Variants in BUB1 observed in about 807,000 individuals in gnomAD.
BUB1 encodes BUB1 mitotic checkpoint serine/threonine kinase.
Under a neutral mutation model 135.2 loss-of-function variants are expected in BUB1, and 84 were observed. The observed-to-expected ratio is 0.62, with a 90% confidence interval of 0.52 to 0.74. The LOEUF is 0.74. BUB1 is among the 30% of genes least tolerant of loss of function. The pLI, the probability that BUB1 is intolerant of heterozygous loss-of-function variation, is 0.00. For missense variants in BUB1, 1,162 were observed against 1,288.3 expected, an observed-to-expected ratio of 0.90 and a Z score of 1.50; for synonymous variants, 403 against 434.4, an observed-to-expected ratio of 0.93 and a Z score of 0.90.
chr2:110,670,624 G>A (rs1690396504), intron 4 of BUB1, 56 bp from the exon 5 acceptor site: 3 of 1,557,412 alleles, frequency 1.9e-6, no homozygotes. Flanking sequence ...GTACATAGCT[G>A]TTAGAGTGAA....
rs539411915 is a variant in BUB1 at position 110,672,909 on chromosome 2, T to C, written c.226-52A>G. 9.9e-5 allele frequency: 147 copies of C among 1,489,242 alleles called. 2 individuals are homozygous for C. The South Asian group carries it at 1.8e-3, about 18-fold the overall frequency. The allele number at this position is 1,489,242 out of a possible 1,614,324, so 92.3% of individuals were successfully genotyped here. On this transcript the variant is annotated intron_variant, in intron 3 of 24. Coordinates refer to ENST00000302759, the MANE Select transcript of BUB1 (RefSeq NM_004336.5). ...TAAGAATAATGGAACTGCTAGTCTATGTCTGGTGAGGAGTTAGCCAGCTAA... is the reference window on the plus strand; with the variant it reads ...TAAGAATAATGGAACTGCTAGTCTACGTCTGGTGAGGAGTTAGCCAGCTAA...
intron 23 of BUB1, 195 bp from the exon 24 acceptor site, chr2:110,640,043 C>G: frequency 1.5e-6 from 1 of 661,240 alleles, no homozygotes; most frequent in African/African-American, 1.8e-5. Flanking sequence ...CTTCCAGTCT[C>G]TTGAAAAGCT....
chr2:110,661,518 C>G lies in BUB1; in HGVS notation c.1217+64G>C, dbSNP rs912518221. On this transcript the variant is annotated intron_variant, in intron 10 of 24. Transcript: ENST00000302759. ...ACATACTGTTCCTGATAATGCAGGT[C>G]ATGTAAAGAAGGTGACAGGTGCCAC... The G allele has an allele frequency of 4.5e-6, 7 of 1,542,592 alleles. No individual in the cohort carries two copies. In the African/African-American group the frequency reaches 8.2e-5, roughly 18 times the overall value.
chr2:110,637,969 T>A lies in BUB1; in HGVS notation c.3253A>T (p.Lys1085Ter), dbSNP rs769743072. The A allele has an allele frequency of 1.3e-6, 2 of 1,484,270 alleles. No homozygotes were observed. Among genetic ancestry groups the A allele is most frequent in the Non-Finnish European group, 1.8e-6 (2 of 1,112,424 alleles). 91.9% of individuals were successfully genotyped at this position (1,484,270 alleles called of 1,614,324 possible). ...VLLLECKRSRK is the reference protein window; with the variant it reads ...VLLLECKRSR ...GGACTGTCTATATCCAAATTTTATT[T>A]TCGTGAACGCTTACATTCTAAGAGC... The change falls in exon 25 of 25, where the codon AAA (lysine) becomes TAA (stop). Residue 1085 changes from lysine (K) to a stop codon, truncating the protein, a stop_gained. Transcript: ENST00000302759. LOFTEE classifies it high-confidence loss of function.
intron 4 of BUB1, among the ~76,000 whole-genome samples, chr2:110,671,414 T>C (rs573190636): frequency 2.0e-4 from 31 of 152,346 alleles, no homozygotes; most frequent in Non-Finnish European, 4.4e-4. Flanking sequence ...AATGGAAGTT[T>C]ATTATACTAA....
chr2:110,650,459 A>G (rs1472026857), intron 18 of BUB1, 87 bp downstream of exon 18: 4 of 1,254,726 alleles, frequency 3.2e-6, no homozygotes, highest in Non-Finnish European at 4.5e-6. Flanking sequence ...GTGACATTCA[A>G]GTCCCACTGT....
At chr2:110,640,015 T>C (rs1288206405) in intron 23 of BUB1, 167 bp from the exon 24 acceptor site, 3 of 697,046 alleles carry the variant, frequency 4.3e-6, no homozygotes, top group Non-Finnish European at 7.8e-6. Flanking sequence ...TTACTGAATA[T>C]CTAGGCTTTG....
intron 9 of BUB1, among the ~76,000 whole-genome samples, chr2:110,665,628 C>A (rs1034721412): frequency 6.7e-6 from 1 of 149,294 alleles, no homozygotes; most frequent in African/African-American, 2.5e-5. Flanking sequence ...TACATATATA[C>A]AAATGAATGC....
intron 18 of BUB1, 120 bp downstream of exon 18, chr2:110,650,426 C>T: frequency 2.3e-6 from 2 of 851,640 alleles, no homozygotes; most frequent in Non-Finnish European, 3.7e-6. Context: ...TTCATCTGAA[C>T]TCACTGACAT....
intron 16 of BUB1, among the ~76,000 whole-genome samples, chr2:110,654,077 G>T (rs187570012): frequency 1.1e-4 from 16 of 152,206 alleles, no homozygotes; most frequent in Non-Finnish European, 2.2e-4. Context: ...GAAAAAAGGG[G>T]TCGAGAGAGT....
intron 6 of BUB1, among the ~76,000 whole-genome samples, chr2:110,669,137 G>T (rs1168151940): frequency 1.3e-5 from 2 of 152,182 alleles, no homozygotes; most frequent in Non-Finnish European, 2.9e-5. Flanking sequence ...TCCCAGTAGG[G>T]ATTTCCAGAG....
chr2:110,647,130 C>T (rs1689664186), intron 19 of BUB1, among the ~76,000 whole-genome samples: 2 of 152,124 alleles, frequency 1.3e-5, no homozygotes, highest in Non-Finnish European at 2.9e-5. Flanking sequence ...TATATCCATT[C>T]TCAACAATCT....
intron 23 of BUB1, among the ~76,000 whole-genome samples, chr2:110,640,363 C>CT (rs1689471500): frequency 2.0e-5 from 3 of 152,150 alleles, no homozygotes; most frequent in Non-Finnish European, 4.4e-5. Flanking sequence ...ATCTTTGCCC[C>CT]TTTTACCATG....
Position 110,659,963 on chromosome 2 carries a change from A to G in BUB1, c.1276+15T>C, listed in dbSNP as rs1346257188. On this transcript the variant is annotated intron_variant, in intron 11 of 24. Coordinates refer to ENST00000302759, the MANE Select transcript of BUB1 (RefSeq NM_004336.5). Reference sequence around the variant, plus strand: ...GAATCTGGACAGAAACACATTTATTATAATTAAACATTACCTTCTTTGATC... The same window carrying G: ...GAATCTGGACAGAAACACATTTATTGTAATTAAACATTACCTTCTTTGATC... The G allele has an allele frequency of 1.3e-6, 2 of 1,598,946 alleles. No individual in the cohort carries two copies. Among genetic ancestry groups the G allele is most frequent in the East Asian group, 2.2e-5 (1 of 44,768 alleles).
Position 110,664,623 on chromosome 2 carries a change from G to A in BUB1, c.957+1640C>T, listed in dbSNP as rs143362650. 3.5e-3 allele frequency among the ~76,000 whole-genome samples: 502 copies of A among 144,936 alleles called. 1 individual carries two copies. Among genetic ancestry groups the A allele is most frequent in the Non-Finnish European group, 5.3e-3 (356 of 67,096 alleles). On this transcript the variant is annotated intron_variant, in intron 9 of 24. Transcript: ENST00000302759. The stretch of plus-strand genomic sequence containing the variant: ...AAGCTACTGGAGAAAGTGTGCCTTC[G>A]AAATGAGGACAGTAAGGAGAGATAA...
At chr2:110,670,126 GTTTTTTTTTTTTTTT>G (rs377459142) in intron 5 of BUB1, among the ~76,000 whole-genome samples, 2 of 120,860 alleles carry the variant, frequency 1.7e-5, no homozygotes, top group African/African-American at 6.1e-5. Context: ...AATTGGATGG[GTTTTTTTTTTTTTTT>G]TTTTTTTTTT....
intron 23 of BUB1, 24 bp from the exon 24 acceptor site, chr2:110,639,872 A>G: frequency 6.4e-7 from 1 of 1,559,458 alleles, no homozygotes; most frequent in South Asian, 1.1e-5. Flanking sequence ...AGAGGTATAT[A>G]TGACTTAAAT....
At position 110,677,991 on chromosome 2, in the gene BUB1, T is replaced by C. The variant is rs1276776580; in HGVS notation, c.5A>G (p.Asp2Gly). 1.2e-6 allele frequency: 2 copies of C among 1,608,104 alleles called. No individual in the cohort carries two copies. The highest frequency in any genetic ancestry group is 1.3e-5 in the African/African-American group (1 of 74,768). ...TTACTGAAGGACATTTTCCGGGGTG[T>C]CCATGGCCAGAGGACGCTGGCCGGC... M[D>G]TPENVLQMLE... Residue 2 changes from aspartate (D) to glycine (G), a missense_variant, in exon 1 of 25, where the codon GAC (aspartate) becomes GGC (glycine). Asp to Gly is a moderately conservative substitution (Grantham distance 94, BLOSUM62 -1). Coordinates refer to ENST00000302759, the MANE Select transcript of BUB1 (RefSeq NM_004336.5).
chr2:110,674,610 T>C (rs1306269686), intron 1 of BUB1, among the ~76,000 whole-genome samples: 1 of 152,204 alleles, frequency 6.6e-6, no homozygotes, highest in African/African-American at 2.4e-5. Context: ...CCAGTGTTTT[T>C]CCATAAGTCC....
Sources: allele counts gnomAD v4.1 joint callset (sites outside exome capture counted in the v4.1 genomes callset), GRCh38; gene constraint gnomAD v4.1.1; transcripts MANE v1.5; gene names NCBI Gene and HGNC (gene_info 2026-07-23, HGNC 2026-07-21).